ZNF510: variants seen among roughly 807,000 people sequenced by gnomAD.
The protein encoded by ZNF510 is zinc finger protein 510.
ZNF510 carries 15 observed loss-of-function variants against 18.1 expected under a neutral mutation model. The observed-to-expected ratio is 0.83, with a 90% confidence interval of 0.55 to 1.28. The LOEUF (loss-of-function observed/expected upper bound fraction) is 1.28. ZNF510 is among the 50% of genes most tolerant of loss of function. The probability of loss-of-function intolerance (pLI) is 0.00; values close to 1 mark genes in which losing one functional copy is unlikely to be tolerated. For missense variants in ZNF510, 724 were observed against 791.8 expected (o/e 0.91, Z 1.03); for synonymous variants, 261 against 266.4 (o/e 0.98, Z 0.20).
intron 5 of ZNF510, among the ~76,000 whole-genome samples, chr9:96,761,514 T>C (rs1849346689): frequency 6.6e-6 from 1 of 152,202 alleles, no homozygotes; most frequent in African/African-American, 2.4e-5. Context: ...AACCATGTCA[T>C]GAAACACAAA....
chr9:96,760,618 A>G (rs1030357740), intron 5 of ZNF510, 141 bp from the exon 6 acceptor site: 5 of 716,412 alleles, frequency 7.0e-6, no homozygotes, highest in Non-Finnish European at 1.0e-5. Flanking sequence ...GTAAATATAT[A>G]TATCTCAGAC....
At chr9:96,772,427 T>C (rs12342866) in intron 3 of ZNF510, among the ~76,000 whole-genome samples, 4 of 152,078 alleles carry the variant, frequency 2.6e-5, no homozygotes, top group Non-Finnish European at 5.9e-5. Context: ...TGTTGTCAAA[T>C]ATATTATTTA....
rs1357981295 is a variant in ZNF510, at chr9:96,760,462, T to C, written c.368A>G (p.Asp123Gly). 6.2e-7 allele frequency: 1 copy of C among 1,605,832 alleles called. No homozygotes were observed. Among genetic ancestry groups the C allele is most frequent in the East Asian group, 2.2e-5 (1 of 44,750 alleles). Residue 123 changes from aspartate (D) to glycine (G), a missense_variant, in exon 6 of 6, where the codon GAT becomes GGT. Asp to Gly is a moderately conservative substitution (Grantham distance 94). Transcript: ENST00000223428. ...TTTCTTGTTCTGCTTGATCAGGTCA[T>C]CACCTCTGTAATCTTCTAAAACAGA... Reference protein sequence around the residue: ...NQSHPKDYRGDDLIKQNKKIK... With the variant: ...NQSHPKDYRGGDLIKQNKKIK...
rs746902187 is a variant in ZNF510 at position 96,759,426 on chromosome 9, T to C, written c.1404A>G (p.Thr468=). 8 of 1,613,974 alleles carry C rather than the reference T, an allele frequency of 5.0e-6. No individual in the cohort carries two copies. In the South Asian group the frequency reaches 7.7e-5, roughly 16 times the overall value. The stretch of plus-strand genomic sequence containing the variant: ...CCCTGAGGGTTGACTTCTGGACAAA[T>C]GTTTTTCCACATTCATTACATTTAT... ...KPYKCNECGK[T]FVQKSTLRGH... is the part of the protein sequence containing the mutation. The change falls in exon 6 of 6, where the codon ACA becomes ACG. Residue 468 remains threonine, a synonymous_variant. Transcript: ENST00000223428.
At chr9:96,771,811 TAAC>T (rs925923357) in intron 3 of ZNF510, among the ~76,000 whole-genome samples, 2 of 152,110 alleles carry the variant, frequency 1.3e-5, no homozygotes, top group African/African-American at 4.8e-5. Context: ...TTTAATAAAC[TAAC>T]AATAAACTGG....
rs1451951090 is a variant in ZNF510 at position 96,757,495 on chromosome 9, T to C, written c.*1283A>G. On this transcript the variant is annotated 3_prime_UTR_variant, in exon 6 of 6. Coordinates refer to ENST00000223428, the MANE Select transcript of ZNF510 (RefSeq NM_014930.3). ...TCCTAATAAGGTTTGTGCCCTCTGATTGACTTAAGCCTGGCTTACACAGAA... is the reference window on the plus strand; with the variant it reads ...TCCTAATAAGGTTTGTGCCCTCTGACTGACTTAAGCCTGGCTTACACAGAA... 2.6e-5 allele frequency: 4 copies of C among 152,160 alleles called. 1 individual carries two copies. Among genetic ancestry groups the C allele is most frequent in the Non-Finnish European group, 5.9e-5 (4 of 68,018 alleles). 9.4% of individuals were successfully genotyped at this position (152,160 alleles called of 1,614,324 possible). A position where few individuals can be genotyped will look rare whatever the true frequency, so the allele number is the denominator to read the frequency against.
chr9:96,770,026 AG>A (rs1849553714), intron 3 of ZNF510, among the ~76,000 whole-genome samples: 1 of 152,212 alleles, frequency 6.6e-6, no homozygotes, highest in African/African-American at 2.4e-5. Flanking sequence ...AAAAAAGATA[AG>A]TCAAGAGTTA....
intron 2 of ZNF510, among the ~76,000 whole-genome samples, 178 bp from the exon 3 acceptor site, chr9:96,775,024 G>A (rs990428121): frequency 1.3e-5 from 2 of 151,614 alleles, no homozygotes; most frequent in Non-Finnish European, 2.9e-5. Context: ...TCTTTAATAT[G>A]ATCATGTGGA....
In ZNF510 at chr9:96,758,642, G is replaced by A. The variant is rs1849250059; in HGVS notation, c.*136C>T. 5.6e-6 allele frequency: 5 copies of A among 885,172 alleles called. No homozygotes were observed. The highest frequency in any genetic ancestry group is 3.6e-4 in the Middle Eastern group (1 of 2,764). 54.8% of individuals were successfully genotyped at this position (885,172 alleles called of 1,614,324 possible). The stretch of plus-strand genomic sequence containing the variant: ...CATCTTCATCTGGTTTCTTTCCTAT[G>A]TGAATTCTCTGATTCACAGTGAGGG... On this transcript the variant is annotated 3_prime_UTR_variant, in exon 6 of 6. Transcript: ENST00000223428.
At chr9:96,774,666 T>C (rs1849651184) in intron 3 of ZNF510, 122 bp downstream of exon 3, 2 of 878,616 alleles carry the variant, frequency 2.3e-6, no homozygotes, top group African/African-American at 1.7e-5. Flanking sequence ...GCTGTGCTAC[T>C]GCCCTGCTTT....
At position 96,776,197 on chromosome 9, in the gene ZNF510, C is replaced by CA. The variant is rs756810594; in HGVS notation, c.-129dup. 43 of 1,411,522 alleles carry CA rather than the reference C, an allele frequency of 3.0e-5. No individual in the cohort carries two copies. In the Middle Eastern group the frequency reaches 1.0e-3, roughly 33 times the overall value. The allele number at this position is 1,411,522 out of a possible 1,614,324, so 87.4% of individuals were successfully genotyped here. On this transcript the variant is annotated 5_prime_UTR_variant, in exon 2 of 6. Transcript: ENST00000223428. ...CCTGGTGAGGAGGTCTCTGTTCTGT[C>CA]AGAGAGCAGTTCTTCGGTGGGACTC...
At chr9:96,776,964 A>G (rs10816535) in intron 1 of ZNF510, among the ~76,000 whole-genome samples, 22,217 of 152,226 alleles carry the variant, frequency 0.15, 3,767 homozygotes, top group African/African-American at 0.4. Context: ...TGTGGCTAGG[A>G]CCACATGTTG....
intron 3 of ZNF510, among the ~76,000 whole-genome samples, chr9:96,768,950 G>A (rs1407420745): frequency 6.6e-6 from 1 of 152,168 alleles, no homozygotes; most frequent in African/African-American, 2.4e-5. Flanking sequence ...TAAAGCAACA[G>A]TAATCAAGAG....
At chr9:96,773,334 T>G (rs1849622734) in intron 3 of ZNF510, among the ~76,000 whole-genome samples, 1 of 152,124 alleles carries the variant, frequency 6.6e-6, no homozygotes, top group Admixed American at 6.5e-5. Context: ...GAAAAAAGAG[T>G]GCATACAAGA....
chr9:96,762,734 C>T (rs952792356), intron 5 of ZNF510, among the ~76,000 whole-genome samples: 1 of 152,146 alleles, frequency 6.6e-6, no homozygotes, highest in African/African-American at 2.4e-5. Flanking sequence ...AGATTGAACA[C>T]ATTTTCAAAG....
At chr9:96,764,378 CTGGCCTCAAGTGATCCTCCCACCT>C in intron 3 of ZNF510, among the ~76,000 whole-genome samples, 1 of 152,174 alleles carries the variant, frequency 6.6e-6, no homozygotes. Flanking sequence ...TCTTGAACTC[CTGGCCTCAAGTGATCCTCCCACCT>C]TGGCCTCCAA....
chr9:96,767,100 G>C (rs907313814), intron 3 of ZNF510, among the ~76,000 whole-genome samples: 5 of 152,138 alleles, frequency 3.3e-5, no homozygotes, highest in Non-Finnish European at 5.9e-5. Context: ...GGCTGAGGCA[G>C]GCGAATCACT....
chr9:96,773,607 GCT>G (rs1485490457), intron 3 of ZNF510, among the ~76,000 whole-genome samples: 1 of 150,848 alleles, frequency 6.6e-6, no homozygotes, highest in African/African-American at 2.4e-5. Context: ...ATGGAGTCTA[GCT>G]CTGTCGCCCA....
Position 96,757,457 on chromosome 9 carries a change from T to C in ZNF510, c.*1321A>G, listed in dbSNP as rs1322438101. 1.3e-5 allele frequency: 2 copies of C among 152,232 alleles called. No individual in the cohort carries two copies. Among genetic ancestry groups the C allele is most frequent in the African/African-American group, 2.4e-5 (1 of 41,464 alleles). 9.4% of individuals were successfully genotyped at this position (152,232 alleles called of 1,614,324 possible). A position where few individuals can be genotyped will look rare whatever the true frequency, so the allele number is the denominator to read the frequency against. The stretch of plus-strand genomic sequence containing the variant: ...CTCTGATCATATTTGAGGTTCTCCT[T>C]GACTCTCTAGCCTCCTAATAAGGTT... On this transcript the variant is annotated 3_prime_UTR_variant, in exon 6 of 6. Coordinates refer to ENST00000223428, the MANE Select transcript of ZNF510 (RefSeq NM_014930.3).
Sources: allele counts gnomAD v4.1 joint callset (sites outside exome capture counted in the v4.1 genomes callset), GRCh38; gene constraint gnomAD v4.1.1; transcripts MANE v1.5; gene names NCBI Gene and HGNC (gene_info 2026-07-23, HGNC 2026-07-21).